ZFPM1: variants seen among roughly 807,000 people sequenced by gnomAD.
ZFPM1 encodes zinc finger protein ZFPM1.
Under a neutral mutation model 46.3 loss-of-function variants are expected in ZFPM1, and 28 were observed. That is an observed-to-expected ratio of 0.60 (90% CI 0.45 to 0.83). The LOEUF (loss-of-function observed/expected upper bound fraction) is 0.83. ZFPM1 is among the 40% of genes least tolerant of loss of function. ZFPM1 has a pLI of 0.00. For missense variants in ZFPM1, 1,878 were observed against 1,432.4 expected (o/e 1.31, Z -5.02); for synonymous variants, 957 against 675.9 (o/e 1.42, Z -6.45).
rs113635294 is a variant in ZFPM1, at chr16:88,490,408, C to T, written c.268+1255C>T. Among the ~76,000 whole-genome samples, 238 of 152,310 alleles carry T rather than the reference C, an allele frequency of 1.6e-3. 1 individual carries two copies. Among genetic ancestry groups the T allele is most frequent in the African/African-American group, 5.5e-3 (230 of 41,576 alleles). ...AGGCATATAGCCGGGAGCAGATGGC[C>T]GATGCAGAGCGCGCAAGCGGCCGTA... is the stretch of plus-strand genomic sequence containing the variant. On this transcript the variant is annotated intron_variant, in intron 3 of 9. Transcript: ENST00000319555.
At chr16:88,502,860 C>T (rs1352946531) in intron 3 of ZFPM1, among the ~76,000 whole-genome samples, 5 of 151,622 alleles carry the variant, frequency 3.3e-5, no homozygotes, top group Admixed American at 2.0e-4. Context: ...GCAGAGGCCA[C>T]GTGGATGCCC....
chr16:88,474,007 G>A (rs1343155179), intron 1 of ZFPM1, among the ~76,000 whole-genome samples: 3 of 152,236 alleles, frequency 2.0e-5, no homozygotes, highest in Non-Finnish European at 4.4e-5. Context: ...GGGAGTGGCC[G>A]GGCCCAGAGA....
At chr16:88,488,991 G>A (rs771594794) in intron 2 of ZFPM1, 40 bp from the exon 3 acceptor site, 12 of 1,592,108 alleles carry the variant, frequency 7.5e-6, no homozygotes, top group East Asian at 6.8e-5. Context: ...CTCAGTGCCC[G>A]GCACTCAGCA....
In ZFPM1 at chr16:88,471,046, G is replaced by A. The variant is rs560825889; in HGVS notation, c.41-14893G>A. ...CTCCGCGACAGGCATTCCCTTCCCC[G>A]TGTGCCCTTGCCAACTACATACTGG... On this transcript the variant is annotated intron_variant, in intron 1 of 9. Transcript: ENST00000319555. The surrounding 1 kb of genome is among the most constrained non-coding windows in gnomAD (Gnocchi z 4.1). Among the ~76,000 whole-genome samples the A allele has an allele frequency of 5.3e-5, 8 of 152,266 alleles. No homozygotes were observed. The highest frequency in any genetic ancestry group is 3.4e-3 in the Middle Eastern group (1 of 292).
At chr16:88,470,527 C>T (rs1031931599) in intron 1 of ZFPM1, among the ~76,000 whole-genome samples, 8 of 150,548 alleles carry the variant, frequency 5.3e-5, no homozygotes, top group African/African-American at 2.0e-4. Flanking sequence ...GAGGATGTGG[C>T]ACGGTGTGGA....
At chr16:88,508,907 C>T (rs550021949) in intron 3 of ZFPM1, among the ~76,000 whole-genome samples, 9 of 152,328 alleles carry the variant, frequency 5.9e-5, no homozygotes, top group Middle Eastern at 6.8e-3. Context: ...GCGGGGTTTG[C>T]CTGCGTGGGA....
intron 3 of ZFPM1, among the ~76,000 whole-genome samples, chr16:88,501,063 G>A (rs66482512): frequency 0.024 from 3,246 of 133,308 alleles, 48 homozygotes; most frequent in Middle Eastern, 0.073. Flanking sequence ...GGTGATGGAG[G>A]TAGCGGTCAT....
At chr16:88,518,957 A>C (rs1911567936) in intron 4 of ZFPM1, among the ~76,000 whole-genome samples, 1 of 135,590 alleles carries the variant, frequency 7.4e-6, no homozygotes, top group African/African-American at 2.8e-5. Context: ...CTGGTGGATA[A>C]GTGGATGGAT....
At chr16:88,529,002 C>T (rs1016792341) in intron 6 of ZFPM1, among the ~76,000 whole-genome samples, 2 of 152,186 alleles carry the variant, frequency 1.3e-5, no homozygotes, top group Admixed American at 6.5e-5. Context: ...CACCCCCGGC[C>T]GGGTACAGGA....
At chr16:88,478,088 CGCCATGTCTCCCCTGCCCCAG>C (rs1467759479) in intron 1 of ZFPM1, among the ~76,000 whole-genome samples, 6 of 152,104 alleles carry the variant, frequency 3.9e-5, no homozygotes, top group Non-Finnish European at 7.4e-5. Context: ...GCCGCTCAAC[CGCCATGTCTCCCCTGCCCCAG>C]GCCCGCTGGC....
chr16:88,491,646 C>T (rs1909582577), intron 3 of ZFPM1, among the ~76,000 whole-genome samples: 1 of 152,166 alleles, frequency 6.6e-6, no homozygotes. Context: ...GAGCCTGGCG[C>T]CGGGAAGGGC....
chr16:88,525,730 G>A (rs1912261124), intron 4 of ZFPM1, among the ~76,000 whole-genome samples: 1 of 152,212 alleles, frequency 6.6e-6, no homozygotes, highest in Admixed American at 6.5e-5. Flanking sequence ...CTTGATGTCT[G>A]ACCAGTGTTG....
At chr16:88,504,522 T>C (rs1910545749) in intron 3 of ZFPM1, among the ~76,000 whole-genome samples, 1 of 152,152 alleles carries the variant, frequency 6.6e-6, no homozygotes, top group Non-Finnish European at 1.5e-5. Context: ...GACATGAGGC[T>C]GTGGCTTTCA....
At position 88,459,044 on chromosome 16, in the gene ZFPM1, G is replaced by A. The variant is rs543066862; in HGVS notation, c.40+5366G>A. ...CCAGGGGAGAGCCGGCGCCCGTCAG[G>A]GCTGAGCCCCTCGTTAGGGCCTGTG... is the stretch of plus-strand genomic sequence containing the variant. On this transcript the variant is annotated intron_variant, in intron 1 of 9. Transcript: ENST00000319555. 4.6e-5 allele frequency among the ~76,000 whole-genome samples: 7 copies of A among 152,352 alleles called. No homozygotes were observed. The South Asian group carries it at 1.4e-3, about 32-fold the overall frequency.
Position 88,473,355 on chromosome 16 carries a change from C to T in ZFPM1, c.41-12584C>T, listed in dbSNP as rs574062761. Among the ~76,000 whole-genome samples the T allele has an allele frequency of 9.8e-5, 15 of 152,356 alleles. No individual in the cohort carries two copies. In the South Asian group the frequency reaches 1.9e-3, roughly 19 times the overall value. On this transcript the variant is annotated intron_variant, in intron 1 of 9. Coordinates refer to ENST00000319555, the MANE Select transcript of ZFPM1 (RefSeq NM_153813.3). Reference sequence around the variant, plus strand: ...CTCCTGGGCTTGTGAGCTCACCCACCGACCCTCAGGCCTCAGCCCAGCTGT... The same window carrying T: ...CTCCTGGGCTTGTGAGCTCACCCACTGACCCTCAGGCCTCAGCCCAGCTGT...
intron 2 of ZFPM1, 87 bp from the exon 3 acceptor site, chr16:88,488,944 G>C: frequency 6.6e-7 from 1 of 1,520,584 alleles, no homozygotes; most frequent in Non-Finnish European, 8.8e-7. Flanking sequence ...CCGGCGCCCA[G>C]CGCCTCAGCA....
chr16:88,502,941 C>G (rs1910450791), intron 3 of ZFPM1, among the ~76,000 whole-genome samples: 1 of 152,388 alleles, frequency 6.6e-6, no homozygotes, highest in East Asian at 1.9e-4. Flanking sequence ...CTCGCCACCC[C>G]CACCCGCCTT....
chr16:88,527,513 G>C (rs1036874438), intron 5 of ZFPM1, among the ~76,000 whole-genome samples: 1 of 152,098 alleles, frequency 6.6e-6, no homozygotes, highest in African/African-American at 2.4e-5. Context: ...ACAGGCTGTG[G>C]TGCGCGTGAG....
chr16:88,489,304 A>ACC, intron 3 of ZFPM1, 151 bp downstream of exon 3: 1 of 1,244,708 alleles, frequency 8.0e-7, no homozygotes, highest in Non-Finnish European at 1.1e-6. Context: ...AGCTCAGCCA[A>ACC]CCCGTGCAGC....
Sources: gnomAD v4.1 joint callset for allele counts (sites outside exome capture counted in the v4.1 genomes callset) on GRCh38, gnomAD v4.1.1 for gene constraint, Gnocchi (gnomAD v3.1) non-coding constraint, MANE v1.5 for transcripts, NCBI Gene and HGNC (gene_info 2026-07-23, HGNC 2026-07-21) for gene names.